The following FAM13A variants were observed in gnomAD, a reference collection of about 807,000 sequenced individuals.
FAM13A encodes family with sequence similarity 13 member A.
Under a neutral mutation model 129.6 loss-of-function variants are expected in FAM13A, and 76 were observed. That is an observed-to-expected ratio of 0.59 (90% CI 0.49 to 0.71). FAM13A has a LOEUF of 0.71. Ranked by LOEUF, FAM13A falls within the 30% of genes least tolerant of loss-of-function variation. The probability of loss-of-function intolerance (pLI) is 0.00; values close to 1 mark genes in which losing one functional copy is unlikely to be tolerated. For missense variants in FAM13A, 1,108 were observed against 1,249.3 expected, an observed-to-expected ratio of 0.89 and a Z score of 1.70; for synonymous variants, 443 against 449.9, an observed-to-expected ratio of 0.98 and a Z score of 0.20.
intron 4 of FAM13A, among the ~76,000 whole-genome samples, chr4:88,967,703 G>A (rs918591801): frequency 3.3e-5 from 5 of 152,188 alleles, no homozygotes; most frequent in Admixed American, 6.5e-5. Flanking sequence ...AACTCAGTGG[G>A]TCAAGCACTG....
At chr4:88,876,199 G>T (rs1742432054) in intron 6 of FAM13A, among the ~76,000 whole-genome samples, 1 of 152,078 alleles carries the variant, frequency 6.6e-6, no homozygotes, top group Admixed American at 6.6e-5. Flanking sequence ...CAAATGACGA[G>T]TTAATGGGTG....
chr4:88,895,855 A>T (rs1410598036), intron 6 of FAM13A, among the ~76,000 whole-genome samples: 14 of 138,686 alleles, frequency 1.0e-4, no homozygotes, highest in African/African-American at 3.0e-4. Context: ...TGTGGAAGTC[A>T]GTGTGGCGAT....
chr4:88,752,485 G>A (rs1461930996), intron 14 of FAM13A, among the ~76,000 whole-genome samples: 1 of 152,166 alleles, frequency 6.6e-6, no homozygotes, highest in Non-Finnish European at 1.5e-5. Context: ...AGGTTATCTG[G>A]AAATGCAGAT....
intron 13 of FAM13A, among the ~76,000 whole-genome samples, chr4:88,765,629 T>C (rs1745591159): frequency 6.6e-6 from 1 of 152,202 alleles, no homozygotes; most frequent in African/African-American, 2.4e-5. Context: ...GGAAAACAGT[T>C]CTTTTCACTG....
chr4:88,876,746 C>A (rs374999725), intron 6 of FAM13A, among the ~76,000 whole-genome samples: 1 of 152,128 alleles, frequency 6.6e-6, no homozygotes, highest in African/African-American at 2.4e-5. Flanking sequence ...TGCCTGCCAC[C>A]ACGCCCAGCT....
At chr4:88,760,323 G>GGAGATTTAAGATAGTTTAAAAAT (rs1280732458) in intron 13 of FAM13A, among the ~76,000 whole-genome samples, 2 of 33,328 alleles carry the variant, frequency 6.0e-5, no homozygotes, top group Non-Finnish European at 1.3e-4. Flanking sequence ...AATGCCAAGT[G>GGAGATTTAAGATAGTTTAAAAAT]GCCGGGCGCG....
At chr4:89,023,564 T>C (rs1767565238) in intron 2 of FAM13A, among the ~76,000 whole-genome samples, 1 of 152,146 alleles carries the variant, frequency 6.6e-6, no homozygotes, top group South Asian at 2.1e-4. Flanking sequence ...TGTCTTGTGG[T>C]CCTCAAGCCT....
chr4:88,728,339 C>G lies in FAM13A; in HGVS notation c.*194G>C, dbSNP rs950907691. 2 of 644,296 alleles carry G rather than the reference C, an allele frequency of 3.1e-6. No homozygotes were observed. Among genetic ancestry groups the G allele is most frequent in the Admixed American group, 5.9e-5 (2 of 33,968 alleles). The allele number at this position is 644,296 out of a possible 1,614,324, so 39.9% of individuals were successfully genotyped here. ...CTTTCCAATTACAAAATGCCTAAGT[C>G]AGGTCACATTGTCTTCTTCCAGCCA... On this transcript the variant is annotated 3_prime_UTR_variant, in exon 24 of 24. Transcript: ENST00000264344.
At chr4:88,821,437 A>G (rs1431140468) in intron 7 of FAM13A, among the ~76,000 whole-genome samples, 1 of 152,244 alleles carries the variant, frequency 6.6e-6, no homozygotes, top group East Asian at 1.9e-4. Context: ...ATGACTAAAA[A>G]TACAAAATAA....
At chr4:89,020,280 C>CCTT (rs1560827786) in intron 3 of FAM13A, among the ~76,000 whole-genome samples, 180 bp downstream of exon 3, 3 of 124,734 alleles carry the variant, frequency 2.4e-5, no homozygotes. Flanking sequence ...TTTTTCTGCC[C>CCTT]TTTTTTTTTT....
At chr4:88,993,456 GC>G (rs1435325759) in intron 3 of FAM13A, among the ~76,000 whole-genome samples, 1 of 152,126 alleles carries the variant, frequency 6.6e-6, no homozygotes, top group Non-Finnish European at 1.5e-5. Context: ...TCAGCCTCTG[GC>G]CTTCTGGCTC....
intron 8 of FAM13A, among the ~76,000 whole-genome samples, chr4:88,794,631 C>T (rs1725800130): frequency 6.6e-6 from 1 of 151,790 alleles, no homozygotes; most frequent in Non-Finnish European, 1.5e-5. Flanking sequence ...TCCTCTATGG[C>T]ATATAAAATC....
intron 6 of FAM13A, among the ~76,000 whole-genome samples, chr4:88,867,409 G>T (rs1405208450): frequency 6.6e-6 from 1 of 152,184 alleles, no homozygotes; most frequent in Non-Finnish European, 1.5e-5. Flanking sequence ...AAAAAAACAT[G>T]ACTAAATAGA....
At chr4:88,929,677 T>C (rs1466326852) in intron 5 of FAM13A, among the ~76,000 whole-genome samples, 4 of 152,192 alleles carry the variant, frequency 2.6e-5, no homozygotes, top group African/African-American at 9.7e-5. Flanking sequence ...AAGTCTATTA[T>C]TGGAGCTTTC....
Position 88,747,866 on chromosome 4 carries a change from T to C in FAM13A, c.2162-15A>G. The C allele has an allele frequency of 1.3e-6, 2 of 1,542,122 alleles. No individual in the cohort carries two copies. The highest frequency in any genetic ancestry group is 1.8e-6 in the Non-Finnish European group (2 of 1,116,638). ...TAGTTTTGATTCTAGTTGAGAAGATTTGGGGGTAAAGATATATGAGATTTA... is the reference window on the plus strand; with the variant it reads ...TAGTTTTGATTCTAGTTGAGAAGATCTGGGGGTAAAGATATATGAGATTTA... On this transcript the variant is annotated splice_polypyrimidine_tract_variant and intron_variant, in intron 17 of 23. Transcript: ENST00000264344.
intron 9 of FAM13A, among the ~76,000 whole-genome samples, chr4:88,788,413 T>C (rs1174850677): frequency 6.6e-6 from 1 of 152,192 alleles, no homozygotes; most frequent in African/African-American, 2.4e-5. Context: ...GACAAAATTA[T>C]ATGAAAATAA....
chr4:88,919,614 G>A (rs1401131366), intron 5 of FAM13A, among the ~76,000 whole-genome samples: 1 of 152,242 alleles, frequency 6.6e-6, no homozygotes, highest in Non-Finnish European at 1.5e-5. Context: ...CTCCCAGCAT[G>A]AGCGACGCAG....
intron 11 of FAM13A, among the ~76,000 whole-genome samples, chr4:88,777,958 C>G (rs1456542671): frequency 1.3e-5 from 2 of 152,168 alleles, no homozygotes; most frequent in African/African-American, 4.8e-5. Context: ...ACCAAACTTA[C>G]CTCATTTTTC....
chr4:88,996,618 C>T (rs1763575939), intron 3 of FAM13A, among the ~76,000 whole-genome samples: 1 of 152,092 alleles, frequency 6.6e-6, no homozygotes, highest in Admixed American at 6.5e-5. Context: ...GCAGGTGAGA[C>T]ATTAGGCAAT....
Sources: gnomAD v4.1 joint callset for allele counts (sites outside exome capture counted in the v4.1 genomes callset) on GRCh38, gnomAD v4.1.1 for gene constraint, MANE v1.5 for transcripts, NCBI Gene and HGNC (gene_info 2026-07-23, HGNC 2026-07-21) for gene names.